The following SAMD12 variants were observed in gnomAD, a reference collection of about 807,000 sequenced individuals.
SAMD12 encodes the protein sterile alpha motif domain containing 12.
A neutral mutation model predicts 15.0 loss-of-function variants in SAMD12; 9 were observed. That is an observed-to-expected ratio of 0.60 (90% confidence interval 0.36 to 1.05). The LOEUF is 1.05. Ranked by LOEUF, SAMD12 falls within the 50% of genes least tolerant of loss-of-function variation. The pLI is 0.01. For synonymous variants in SAMD12, 86 were observed against 90.1 expected (o/e 0.96, Z 0.25); for missense variants, 230 against 234.2 (o/e 0.98, Z 0.12).
chr8:118,229,050 C>T (rs1029401664), intron 4 of SAMD12, among the ~76,000 whole-genome samples: 3 of 152,052 alleles, frequency 2.0e-5, no homozygotes, highest in African/African-American at 7.2e-5. Context: ...AACCAAACAT[C>T]GTATATTCTC....
intron 2 of SAMD12, among the ~76,000 whole-genome samples, chr8:118,563,835 T>G (rs1259545028): frequency 2.6e-5 from 4 of 152,220 alleles, no homozygotes; most frequent in African/African-American, 9.6e-5. Context: ...ATCTGTGAGT[T>G]TTGACCAATG....
chr8:118,229,867 G>A (rs1812269873), intron 4 of SAMD12, among the ~76,000 whole-genome samples: 2 of 152,164 alleles, frequency 1.3e-5, no homozygotes, highest in Non-Finnish European at 2.9e-5. Context: ...GTTCAGAGCT[G>A]GAGCCCAATT....
chr8:118,429,661 A>G (rs1273776407), intron 3 of SAMD12, among the ~76,000 whole-genome samples: 1 of 152,158 alleles, frequency 6.6e-6, no homozygotes, highest in Admixed American at 6.5e-5. Flanking sequence ...TGGGAAGCTG[A>G]GGTGGGTGGA....
intron 2 of SAMD12, among the ~76,000 whole-genome samples, chr8:118,557,187 T>C (rs1248883693): frequency 6.6e-6 from 1 of 152,092 alleles, no homozygotes. Flanking sequence ...TTTCCCCCCA[T>C]GCTGTTCTAG....
At chr8:118,340,916 C>T (rs28437493) in intron 4 of SAMD12, among the ~76,000 whole-genome samples, 33,151 of 152,014 alleles carry the variant, frequency 0.22, 4,224 homozygotes, top group African/African-American at 0.34. Flanking sequence ...CAGAACAGAG[C>T]GCACTGGAAA....
chr8:118,213,738 A>G (rs1209397520), intron 4 of SAMD12, among the ~76,000 whole-genome samples: 4 of 152,320 alleles, frequency 2.6e-5, no homozygotes, highest in African/African-American at 9.6e-5. Context: ...CCTGGAAGAC[A>G]GCCTAGATCT....
At chr8:118,457,515 G>A (rs1341918405) in intron 2 of SAMD12, among the ~76,000 whole-genome samples, 1 of 152,016 alleles carries the variant, frequency 6.6e-6, no homozygotes, top group Non-Finnish European at 1.5e-5. Flanking sequence ...ATATGGGGCA[G>A]GTGGAAATCA....
chr8:118,207,714 T>G (rs542695685), intron 4 of SAMD12, among the ~76,000 whole-genome samples: 3 of 152,296 alleles, frequency 2.0e-5, no homozygotes, highest in Admixed American at 2.0e-4. Context: ...TTTTTTAAAT[T>G]ATCTTTTCTC....
chr8:118,440,322 A>G (rs1822702839), intron 2 of SAMD12, among the ~76,000 whole-genome samples: 1 of 152,180 alleles, frequency 6.6e-6, no homozygotes, highest in Admixed American at 6.5e-5. Flanking sequence ...CTGTATTCCA[A>G]GAAAGTATTT....
intron 4 of SAMD12, among the ~76,000 whole-genome samples, chr8:118,225,496 G>A (rs1812170134): frequency 6.6e-6 from 1 of 152,134 alleles, no homozygotes; most frequent in Non-Finnish European, 1.5e-5. Flanking sequence ...ATCTGCAAGG[G>A]GTGAGCTCTG....
chr8:118,571,712 C>CCTG (rs1313696706), intron 2 of SAMD12, among the ~76,000 whole-genome samples: 13 of 152,112 alleles, frequency 8.5e-5, no homozygotes, highest in Non-Finnish European at 1.3e-4. Flanking sequence ...TTAGAGCCTG[C>CCTG]CAGTACACAG....
chr8:118,586,469 A>C (rs1363178172), intron 1 of SAMD12, among the ~76,000 whole-genome samples: 6 of 151,740 alleles, frequency 4.0e-5, no homozygotes, highest in African/African-American at 1.5e-4. Flanking sequence ...CAGCCACCCA[A>C]GTAGCTGTGA....
chr8:118,520,921 G>T (rs967354206), intron 2 of SAMD12, among the ~76,000 whole-genome samples: 9 of 151,930 alleles, frequency 5.9e-5, no homozygotes. Context: ...TAGGACAAGG[G>T]TAAACCTATT....
intron 2 of SAMD12, among the ~76,000 whole-genome samples, chr8:118,452,028 G>GT (rs1823098631): frequency 6.6e-6 from 1 of 152,052 alleles, no homozygotes; most frequent in Admixed American, 6.6e-5. Context: ...ATAAAGGGTA[G>GT]TTCCCTGATA....
chr8:118,555,824 A>G (rs1394078995), intron 2 of SAMD12, among the ~76,000 whole-genome samples: 1 of 152,178 alleles, frequency 6.6e-6, no homozygotes, highest in Non-Finnish European at 1.5e-5. Context: ...AGACAACTCA[A>G]CCACAACCAA....
At chr8:118,213,405 T>C (rs1258353175) in intron 4 of SAMD12, among the ~76,000 whole-genome samples, 1 of 152,184 alleles carries the variant, frequency 6.6e-6, no homozygotes, top group Non-Finnish European at 1.5e-5. Flanking sequence ...CAGGCCCACA[T>C]GGAGGGCAAC....
intron 2 of SAMD12, among the ~76,000 whole-genome samples, chr8:118,522,573 G>C (rs79187783): frequency 0.046 from 6,993 of 152,170 alleles, 494 homozygotes; most frequent in African/African-American, 0.15. Flanking sequence ...TTTCCACAAA[G>C]TTACTGTGAA....
chr8:118,305,042 G>A lies in SAMD12; in HGVS notation c.433+74518C>T, dbSNP rs183872231. Among the ~76,000 whole-genome samples the A allele has an allele frequency of 6.2e-3, 925 of 148,258 alleles. 10 individuals are homozygous for A. Among genetic ancestry groups the A allele is most frequent in the African/African-American group, 0.022 (878 of 40,240 alleles). Reference sequence around the variant, plus strand: ...TGGGCGCCCATAATCCCAGCTACTCGGGAGGCGGAGGCACAAAAATTGCTT... The same window carrying A: ...TGGGCGCCCATAATCCCAGCTACTCAGGAGGCGGAGGCACAAAAATTGCTT... On this transcript the variant is annotated intron_variant, in intron 4 of 4. Coordinates refer to the SAMD12 transcript ENST00000409003.
intron 4 of SAMD12, among the ~76,000 whole-genome samples, chr8:118,262,829 TA>T (rs1396457099): frequency 1.3e-5 from 2 of 152,232 alleles, no homozygotes; most frequent in Non-Finnish European, 2.9e-5. Flanking sequence ...CCCAAGGTTT[TA>T]ATAGGCTTCT....
Sources: gnomAD v4.1 joint callset for allele counts (sites outside exome capture counted in the v4.1 genomes callset) on GRCh38, gnomAD v4.1.1 for gene constraint, MANE v1.5 for transcripts, NCBI Gene and HGNC (gene_info 2026-07-23, HGNC 2026-07-21) for gene names.